Variants in LIPC observed in about 807,000 individuals in gnomAD.
The protein encoded by LIPC is hepatic triacylglycerol lipase.
LIPC carries 44 observed loss-of-function variants against 50.7 expected under a neutral mutation model. That is an observed-to-expected ratio of 0.87 (90% CI 0.68 to 1.11). The LOEUF (loss-of-function observed/expected upper bound fraction) is 1.11, where lower values mean the gene tolerates loss of function less well. Ranked by LOEUF, LIPC falls within the 50% of genes most tolerant of loss-of-function variation. LIPC has a pLI of 0.00. For missense variants in LIPC, 697 were observed against 648.2 expected (o/e 1.08, Z -0.82); for synonymous variants, 271 against 256.4 (o/e 1.06, Z -0.54).
At chr15:58,555,872 G>C (rs1893929874) in intron 6 of LIPC, among the ~76,000 whole-genome samples, 1 of 152,166 alleles carries the variant, frequency 6.6e-6, no homozygotes, top group African/African-American at 2.4e-5. Context: ...GGAGCAGAGG[G>C]AAAATGCCCC....
intron 7 of LIPC, among the ~76,000 whole-genome samples, chr15:58,561,934 T>C (rs1198182437): frequency 6.6e-6 from 1 of 152,150 alleles, no homozygotes; most frequent in Non-Finnish European, 1.5e-5. Context: ...GAGGGGTCCA[T>C]TCAGATGGTT....
chr15:58,462,914 G>C (rs967447824), intron 1 of LIPC, among the ~76,000 whole-genome samples: 2 of 152,214 alleles, frequency 1.3e-5, no homozygotes, highest in African/African-American at 4.8e-5. Flanking sequence ...GTTATTCTTG[G>C]TGCTCATTAG....
chr15:58,444,335 T>C (rs1477059106), intron 1 of LIPC, among the ~76,000 whole-genome samples: 3 of 152,164 alleles, frequency 2.0e-5, no homozygotes, highest in Non-Finnish European at 4.4e-5. Flanking sequence ...TGGCTCTCCA[T>C]ACTCAGAGGG....
chr15:58,543,206 C>G (rs1202841786), intron 4 of LIPC, among the ~76,000 whole-genome samples: 1 of 152,158 alleles, frequency 6.6e-6, no homozygotes, highest in African/African-American at 2.4e-5. Context: ...GCCTTCCTCC[C>G]AGGCTTCCGT....
intron 1 of LIPC, chr15:58,454,226 G>A (rs1894026267): frequency 1.3e-5 from 2 of 152,350 alleles, no homozygotes; most frequent in Non-Finnish European, 1.5e-5. Flanking sequence ...GAAATAGCTT[G>A]TCTCCAAGGC....
intron 1 of LIPC, among the ~76,000 whole-genome samples, chr15:58,515,696 G>T (rs1198662250): frequency 6.6e-6 from 1 of 151,944 alleles, no homozygotes; most frequent in Non-Finnish European, 1.5e-5. Flanking sequence ...ACATAATGAG[G>T]GCCTGAATTA....
chr15:58,495,110 A>G (rs1204018419), intron 1 of LIPC, among the ~76,000 whole-genome samples: 1 of 152,144 alleles, frequency 6.6e-6, no homozygotes, highest in Non-Finnish European at 1.5e-5. Flanking sequence ...TCTCTTTCTA[A>G]AATCCCCACA....
At chr15:58,466,899 C>G (rs1272888317) in intron 1 of LIPC, among the ~76,000 whole-genome samples, 1 of 152,138 alleles carries the variant, frequency 6.6e-6, no homozygotes, top group African/African-American at 2.4e-5. Flanking sequence ...AAAATTATCC[C>G]AACTGTTATA....
At position 58,551,530 on chromosome 15, in the gene LIPC, T is replaced by A. The variant is rs554392815; in HGVS notation, c.1051+2958T>A. Among the ~76,000 whole-genome samples, 11 of 152,288 alleles carry A rather than the reference T, an allele frequency of 7.2e-5. 1 individual carries two copies. Among genetic ancestry groups the A allele is most frequent in the Admixed American group, 6.5e-4 (10 of 15,298 alleles). The stretch of plus-strand genomic sequence containing the variant: ...AGAACACAGAAATAAAACATTTCCA[T>A]CGCCGCGGAGAGTTCTACTGGTGAT... On this transcript the variant is annotated intron_variant, in intron 6 of 8. Transcript: ENST00000299022.
In LIPC at chr15:58,491,199, A is replaced by G. The variant is rs535772014; in HGVS notation, c.89-47134A>G. Among the ~76,000 whole-genome samples, 9 of 152,280 alleles carry G rather than the reference A, an allele frequency of 5.9e-5. No homozygotes were observed. The South Asian group carries it at 1.0e-3, about 18-fold the overall frequency. On this transcript the variant is annotated intron_variant, in intron 1 of 8. Transcript: ENST00000299022. ...GCCAAAGAAAGCTCTAGAGCTAGAC[A>G]CTTAGACTGGCCTTTCATGAAATGA...
chr15:58,531,869 A>G (rs1348221027), intron 1 of LIPC, among the ~76,000 whole-genome samples: 2 of 152,194 alleles, frequency 1.3e-5, no homozygotes, highest in Non-Finnish European at 2.9e-5. Flanking sequence ...AACCCACTCA[A>G]GACAAACTTA....
intron 7 of LIPC, among the ~76,000 whole-genome samples, chr15:58,561,594 G>T (rs1869132): frequency 0.49 from 75,130 of 152,120 alleles, 19,435 homozygotes; most frequent in East Asian, 0.84. Context: ...ATCTGGATAG[G>T]GAAGGGAATT....
chr15:58,477,236 G>A (rs1388965771), intron 1 of LIPC, among the ~76,000 whole-genome samples: 2 of 152,214 alleles, frequency 1.3e-5, no homozygotes, highest in Admixed American at 6.5e-5. Context: ...CCTTGATTTT[G>A]TCTGCCAAGA....
intron 1 of LIPC, among the ~76,000 whole-genome samples, chr15:58,463,878 TA>T (rs1894441682): frequency 6.6e-6 from 1 of 152,126 alleles, no homozygotes; most frequent in Non-Finnish European, 1.5e-5. Flanking sequence ...TCAATACAAA[TA>T]AAATCATTTA....
At chr15:58,465,661 A>G (rs1423977342) in intron 1 of LIPC, among the ~76,000 whole-genome samples, 1 of 152,154 alleles carries the variant, frequency 6.6e-6, no homozygotes, top group Non-Finnish European at 1.5e-5. Flanking sequence ...TACTTGGGTT[A>G]GGCATTCACA....
chr15:58,469,165 C>T (rs1226278737), intron 1 of LIPC, among the ~76,000 whole-genome samples: 1 of 150,138 alleles, frequency 6.7e-6, no homozygotes, highest in Non-Finnish European at 1.5e-5. Context: ...GACTGGATCT[C>T]ACTCTGTTGC....
At chr15:58,510,852 C>A (rs1195082564) in intron 1 of LIPC, among the ~76,000 whole-genome samples, 3 of 152,236 alleles carry the variant, frequency 2.0e-5, no homozygotes, top group African/African-American at 7.2e-5. Flanking sequence ...GAAAGGACCT[C>A]TCAGCAAGAG....
intron 1 of LIPC, chr15:58,494,860 A>C (rs528455832): frequency 4.4e-6 from 2 of 456,066 alleles, no homozygotes; most frequent in South Asian, 3.1e-5. Context: ...CCTTCATCTG[A>C]TTTCCTTAGC....
intron 1 of LIPC, among the ~76,000 whole-genome samples, chr15:58,453,847 G>T (rs1894008189): frequency 6.7e-6 from 1 of 149,878 alleles, no homozygotes; most frequent in South Asian, 2.1e-4. Context: ...CCATGATCAT[G>T]CACAGCAAGA....
Sources: gnomAD v4.1 joint callset for allele counts (sites outside exome capture counted in the v4.1 genomes callset) on GRCh38, gnomAD v4.1.1 for gene constraint, MANE v1.5 for transcripts, NCBI Gene and HGNC (gene_info 2026-07-23, HGNC 2026-07-21) for gene names.